The following ZNF521 variants were observed in gnomAD, a reference collection of about 807,000 sequenced individuals.
ZNF521 encodes LYST-interacting protein 3.
A neutral mutation model predicts 105.5 loss-of-function variants in ZNF521; 14 were observed. That is an observed-to-expected ratio of 0.13 (90% confidence interval 0.09 to 0.21). The LOEUF is 0.21. ZNF521 is among the 10% of genes least tolerant of loss of function. The pLI, the probability that ZNF521 is intolerant of heterozygous loss-of-function variation, is 1.00. For missense variants in ZNF521, 1,233 were observed against 1,629.7 expected, an observed-to-expected ratio of 0.76 and a Z score of 4.19; for synonymous variants, 635 against 606.0, an observed-to-expected ratio of 1.05 and a Z score of -0.70.
At chr18:25,067,531 G>T (rs1302206128) in intron 7 of ZNF521, among the ~76,000 whole-genome samples, 1 of 152,050 alleles carries the variant, frequency 6.6e-6, no homozygotes, top group Non-Finnish European at 1.5e-5. Context: ...GACCACATTT[G>T]CTGGTCAAAC....
intron 4 of ZNF521, among the ~76,000 whole-genome samples, chr18:25,216,836 A>AT (rs1568014552): frequency 6.6e-6 from 1 of 152,178 alleles, no homozygotes; most frequent in Non-Finnish European, 1.5e-5. Flanking sequence ...GATTATAGGC[A>AT]TGAGGCATCA....
At chr18:25,119,797 A>C (rs1005628722) in intron 5 of ZNF521, among the ~76,000 whole-genome samples, 2 of 152,048 alleles carry the variant, frequency 1.3e-5, no homozygotes, top group Non-Finnish European at 2.9e-5. Flanking sequence ...ATTAAACGTA[A>C]ATCAGTATAA....
intron 5 of ZNF521, among the ~76,000 whole-genome samples, chr18:25,126,997 T>G (rs925998072): frequency 1.3e-5 from 2 of 152,048 alleles, no homozygotes; most frequent in Non-Finnish European, 2.9e-5. Context: ...TGGGTTTGTA[T>G]TATTGGTGGG....
At chr18:25,219,635 C>T (rs984090630) in intron 4 of ZNF521, among the ~76,000 whole-genome samples, 2 of 151,924 alleles carry the variant, frequency 1.3e-5, no homozygotes, top group South Asian at 2.1e-4. Flanking sequence ...GAACTCCTCA[C>T]GGCAAGCTCG....
chr18:25,330,009 C>G (rs1256978583), intron 2 of ZNF521, among the ~76,000 whole-genome samples: 1 of 152,122 alleles, frequency 6.6e-6, no homozygotes, highest in East Asian at 1.9e-4. Context: ...AGGCACCATG[C>G]TTGGTGGAGC....
intron 7 of ZNF521, among the ~76,000 whole-genome samples, chr18:25,076,655 A>G (rs2144147705): frequency 6.6e-6 from 1 of 152,330 alleles, no homozygotes; most frequent in Admixed American, 6.5e-5. Context: ...ATAATAAAAT[A>G]TGGATTATTG....
chr18:25,104,227 A>C (rs1478993564), intron 5 of ZNF521, among the ~76,000 whole-genome samples: 1 of 152,194 alleles, frequency 6.6e-6, no homozygotes, highest in East Asian at 1.9e-4. Context: ...CACTTAAAAA[A>C]TTTAAAAATT....
chr18:25,066,552 G>A (rs1473468426), intron 7 of ZNF521, among the ~76,000 whole-genome samples: 1 of 152,132 alleles, frequency 6.6e-6, no homozygotes, highest in African/African-American at 2.4e-5. Flanking sequence ...AGCTTCATGG[G>A]AGCACTCAGT....
chr18:25,212,193 G>A (rs1415815738), intron 4 of ZNF521, among the ~76,000 whole-genome samples: 1 of 151,930 alleles, frequency 6.6e-6, no homozygotes, highest in Non-Finnish European at 1.5e-5. Flanking sequence ...TGCTTATCAA[G>A]TTCCAAAATA....
chr18:25,338,010 T>G (rs1360913420), intron 2 of ZNF521, among the ~76,000 whole-genome samples: 1 of 152,106 alleles, frequency 6.6e-6, no homozygotes, highest in East Asian at 1.9e-4. Context: ...CGCTTTTGTT[T>G]GGGGAAAAGA....
chr18:25,137,904 C>T (rs1303437711), intron 5 of ZNF521, among the ~76,000 whole-genome samples: 1 of 152,098 alleles, frequency 6.6e-6, no homozygotes, highest in African/African-American at 2.4e-5. Flanking sequence ...CACTGTTTTA[C>T]TAAAAGCAAA....
intron 2 of ZNF521, among the ~76,000 whole-genome samples, chr18:25,349,169 A>G (rs1318952155): frequency 6.6e-6 from 1 of 152,050 alleles, no homozygotes; most frequent in Non-Finnish European, 1.5e-5. Flanking sequence ...TTCAACTCGG[A>G]AAGTTCTTCT....
At chr18:25,089,764 C>T (rs2033704469) in intron 6 of ZNF521, among the ~76,000 whole-genome samples, 184 bp from the exon 7 acceptor site, 1 of 152,016 alleles carries the variant, frequency 6.6e-6, no homozygotes, top group Non-Finnish European at 1.5e-5. Flanking sequence ...TGTTAAGATG[C>T]ACTCTACGGA....
intron 5 of ZNF521, among the ~76,000 whole-genome samples, chr18:25,135,730 A>T (rs2034722490): frequency 6.6e-6 from 1 of 152,154 alleles, no homozygotes; most frequent in Admixed American, 6.6e-5. Flanking sequence ...CTGATTGGAG[A>T]GCCCCAGGAA....
chr18:25,340,538 T>C (rs969325785), intron 2 of ZNF521, among the ~76,000 whole-genome samples: 2 of 152,170 alleles, frequency 1.3e-5, no homozygotes, highest in African/African-American at 4.8e-5. Flanking sequence ...CCATCAGCTA[T>C]AACTCAGTCA....
At chr18:25,075,752 A>C (rs568031914) in intron 7 of ZNF521, among the ~76,000 whole-genome samples, 15 of 152,352 alleles carry the variant, frequency 9.8e-5, no homozygotes, top group Admixed American at 5.9e-4. Flanking sequence ...GGTTAAGTGG[A>C]AACAGTCTAC....
intron 2 of ZNF521, among the ~76,000 whole-genome samples, chr18:25,326,108 TCAC>T (rs1913202882): frequency 6.6e-6 from 1 of 152,204 alleles, no homozygotes; most frequent in Non-Finnish European, 1.5e-5. Context: ...AAATGAGGTT[TCAC>T]CACATTTACT....
chr18:25,162,403 C>A (rs73402936), intron 5 of ZNF521, among the ~76,000 whole-genome samples: 1 of 152,080 alleles, frequency 6.6e-6, no homozygotes, highest in Non-Finnish European at 1.5e-5. Flanking sequence ...TGTATGGATA[C>A]GGAATTCTAT....
At chr18:25,238,310 C>T (rs1259407272) in intron 3 of ZNF521, among the ~76,000 whole-genome samples, 6 of 152,176 alleles carry the variant, frequency 3.9e-5, no homozygotes, top group Admixed American at 3.9e-4. Flanking sequence ...TGTATGTATT[C>T]ACACATATAC....
Sources: gnomAD v4.1 joint callset for allele counts (sites outside exome capture counted in the v4.1 genomes callset) on GRCh38, gnomAD v4.1.1 for gene constraint, MANE v1.5 for transcripts, NCBI Gene and HGNC (gene_info 2026-07-23, HGNC 2026-07-21) for gene names.